Variants in TCF20 observed in about 807,000 individuals in gnomAD.
TCF20 encodes the protein transcription factor 20, also known as SPRE-binding protein.
TCF20 carries 3 observed loss-of-function variants against 148.6 expected under a neutral mutation model. The observed-to-expected ratio is 0.02, with a 90% CI of 0.01 to 0.05. TCF20 has a LOEUF of 0.05. Among genes scored for constraint, TCF20 ranks in the 10% least tolerant of loss-of-function variants. TCF20 has a pLI of 1.00. For missense variants in TCF20, 2,350 were observed against 2,429.3 expected (o/e 0.97, Z 0.69); for synonymous variants, 1,049 against 909.5 (o/e 1.15, Z -2.76).
chr22:42,289,369 A>G (rs1927092269), intron 1 of TCF20, among the ~76,000 whole-genome samples: 2 of 152,166 alleles, frequency 1.3e-5, no homozygotes, highest in Non-Finnish European at 2.9e-5. Context: ...AGACAAAGCA[A>G]GAGGAACTGG....
chr22:42,287,630 C>T (rs1249635378), upstream of TCF20, among the ~76,000 whole-genome samples: 1 of 152,178 alleles, frequency 6.6e-6, no homozygotes. Context: ...GTCCCTGACC[C>T]CTGCCACCTT....
At position 42,160,666 on chromosome 22, in the gene TCF20, G is replaced by C. The variant is rs1487215504; in HGVS notation, c.*737C>G. ...AAAAAAAAAAAACCATAAATAAATAGTGTTTCTGGAAATGAAAAAAAATTT... is the reference window on the plus strand; with the variant it reads ...AAAAAAAAAAAACCATAAATAAATACTGTTTCTGGAAATGAAAAAAAATTT... On this transcript the variant is annotated 3_prime_UTR_variant, in exon 6 of 6. Coordinates refer to ENST00000677622, the MANE Select transcript of TCF20 (RefSeq NM_001378418.1). The C allele has an allele frequency of 6.6e-6, 1 of 151,816 alleles. No homozygotes were observed. The highest frequency in any genetic ancestry group is 1.5e-5 in the Non-Finnish European group (1 of 67,924). 9.4% of individuals were successfully genotyped at this position (151,816 alleles called of 1,614,324 possible).
At chr22:42,241,431 A>T (rs933924149) in intron 1 of TCF20, among the ~76,000 whole-genome samples, 2 of 152,214 alleles carry the variant, frequency 1.3e-5, no homozygotes, top group Admixed American at 6.5e-5. Flanking sequence ...TTTAGCAGGG[A>T]ACAGGAATCC....
chr22:42,213,477 C>A lies in TCF20; in HGVS notation c.1829G>T (p.Arg610Leu), dbSNP rs760138943. Reference sequence around the variant, plus strand: ...TTCTACCCGACCTGTCATGGCTTCCCGGGAGACAATCACCCCAACAGTCTT... The same window carrying A: ...TTCTACCCGACCTGTCATGGCTTCCAGGGAGACAATCACCCCAACAGTCTT... Reference protein sequence around the residue: ...NEKTVGVIVSREAMTGRVEKP... With the variant: ...NEKTVGVIVSLEAMTGRVEKP... The change falls in exon 2 of 6, where the codon CGG (arginine) becomes CTG (leucine). Residue 610 changes from arginine (R) to leucine (L), a missense_variant. By Grantham distance (102) the Arg-to-Leu change is moderately radical. This residue lies in a region of TCF20 where 1,641 missense variants were observed against 1,662.6 expected (regional missense o/e 0.99). Transcript: ENST00000677622. 7.4e-6 allele frequency: 12 copies of A among 1,614,012 alleles called. No homozygotes were observed. Among genetic ancestry groups the A allele is most frequent in the Non-Finnish European group, 1.0e-5 (12 of 1,180,030 alleles).
intron 1 of TCF20, among the ~76,000 whole-genome samples, chr22:42,330,277 G>C (rs534826826): frequency 6.6e-6 from 1 of 152,318 alleles, no homozygotes; most frequent in East Asian, 1.9e-4. Flanking sequence ...GGGTCAATGA[G>C]AGGGCATCAC....
chr22:42,241,917 G>GA (rs372473157), intron 1 of TCF20, among the ~76,000 whole-genome samples: 302 of 151,350 alleles, frequency 2.0e-3, no homozygotes, highest in African/African-American at 6.4e-3. Context: ...AAATAGAAAA[G>GA]AAAAAAAACA....
intron 1 of TCF20, 93 bp from the exon 2 acceptor site, chr22:42,215,434 A>G: frequency 1.4e-6 from 2 of 1,434,814 alleles, no homozygotes; most frequent in Non-Finnish European, 9.2e-7. Flanking sequence ...GATGAATCAG[A>G]GGCCCAGATG....
intron 1 of TCF20, among the ~76,000 whole-genome samples, chr22:42,334,715 T>C (rs1034244859): frequency 6.6e-6 from 1 of 152,226 alleles, no homozygotes; most frequent in Non-Finnish European, 1.5e-5. Context: ...AAGGGTGGAA[T>C]AGTCATCCCC....
intron 1 of TCF20, among the ~76,000 whole-genome samples, chr22:42,239,758 G>A (rs1266105876): frequency 1.3e-5 from 2 of 152,228 alleles, no homozygotes; most frequent in African/African-American, 4.8e-5. Flanking sequence ...CTTCACTCCA[G>A]TGCAGCTCTG....
chr22:42,339,802 G>A (rs765503167), intron 1 of TCF20, among the ~76,000 whole-genome samples: 4 of 152,216 alleles, frequency 2.6e-5, no homozygotes, highest in Admixed American at 6.5e-5. Context: ...AGGTGCTCAC[G>A]GGGCCAGCCT....
At chr22:42,311,512 C>A (rs554554097) in intron 1 of TCF20, among the ~76,000 whole-genome samples, 142 of 152,362 alleles carry the variant, frequency 9.3e-4, no homozygotes, top group Non-Finnish European at 1.5e-3. Context: ...TCAGCAGCTG[C>A]AAACCAGAGG....
At chr22:42,340,381 C>T (rs1287525803) in intron 1 of TCF20, among the ~76,000 whole-genome samples, 1 of 152,214 alleles carries the variant, frequency 6.6e-6, no homozygotes, top group Non-Finnish European at 1.5e-5. Context: ...GCAGTCCCTT[C>T]CCGCGGTAGC....
Position 42,213,189 on chromosome 22 carries a change from C to G in TCF20, c.2117G>C (p.Arg706Pro). ...TEPSKSPGSLRYSYKDSFGSA... is the reference protein window; with the variant it reads ...TEPSKSPGSLPYSYKDSFGSA... ...CCCGAAACTATCTTTGTAACTATAG[C>G]GCAGACTTCCAGGAGATTTGCTAGG... is the stretch of plus-strand genomic sequence containing the variant. Residue 706 changes from arginine to proline, a missense_variant, in exon 2 of 6, where the codon CGC (arginine) becomes CCC (proline). Around this residue, in one of 7 missense-constraint regions of TCF20, gnomAD observed 1,641 missense variants for 1,662.6 expected, o/e 0.99. Coordinates refer to ENST00000677622, the MANE Select transcript of TCF20 (RefSeq NM_001378418.1). 7 of 1,614,172 alleles carry G rather than the reference C, an allele frequency of 4.3e-6. No individual in the cohort carries two copies. Among genetic ancestry groups the G allele is most frequent in the Non-Finnish European group, 5.1e-6 (6 of 1,180,028 alleles).
intron 5 of TCF20, among the ~76,000 whole-genome samples, chr22:42,164,822 T>G (rs1334076284): frequency 6.6e-6 from 1 of 152,138 alleles, no homozygotes; most frequent in East Asian, 1.9e-4. Flanking sequence ...AACATGAAGA[T>G]GGGGAGCCAA....
At chr22:42,256,423 T>C (rs998672629) in intron 1 of TCF20, among the ~76,000 whole-genome samples, 1 of 152,106 alleles carries the variant, frequency 6.6e-6, no homozygotes. Flanking sequence ...GTGTCCCTTA[T>C]CTTTAGGGGA....
chr22:42,247,948 A>G (rs1331965984), intron 1 of TCF20, among the ~76,000 whole-genome samples: 2 of 152,254 alleles, frequency 1.3e-5, no homozygotes, highest in African/African-American at 4.8e-5. Context: ...TAAAAAGTGA[A>G]TATTGTAGAC....
At chr22:42,204,601 T>C (rs1938264124) in intron 2 of TCF20, among the ~76,000 whole-genome samples, 1 of 152,116 alleles carries the variant, frequency 6.6e-6, no homozygotes, top group Non-Finnish European at 1.5e-5. Flanking sequence ...TCCCAGCACT[T>C]TGGGTGGCTG....
In TCF20 at chr22:42,168,611, G is replaced by A; in HGVS notation, c.*42C>T. ...GGAGCCCGGTGGCCCCGACTCACCT[G>A]TGCTTGCTGTCCTTTCCATTCCCAC... On this transcript the variant is annotated splice_region_variant and 3_prime_UTR_variant, in exon 5 of 6. Transcript: ENST00000677622. 1 of 1,568,980 alleles carries A rather than the reference G, an allele frequency of 6.4e-7. No homozygotes were observed. Among genetic ancestry groups the A allele is most frequent in the Non-Finnish European group, 8.6e-7 (1 of 1,158,252 alleles).
rs576920334 is a variant in TCF20 at position 42,338,211 on chromosome 22, C to T, written c.-37+5268G>A. On this transcript the variant is annotated intron_variant, in intron 1 of 1. Transcript: ENST00000515426. The surrounding 1 kb of genome is among the most constrained non-coding windows in gnomAD (Gnocchi z 4.0). ...GGTTCTGCAGCATGAGAAATCCCCT[C>T]GCAGCTGGGTCCCCAGTGCCCGCTC... Among the ~76,000 whole-genome samples, 9 of 152,368 alleles carry T rather than the reference C, an allele frequency of 5.9e-5. No individual in the cohort carries two copies. The highest frequency in any genetic ancestry group is 1.4e-4 in the African/African-American group (6 of 41,586).
Sources: gnomAD v4.1 joint callset for allele counts (sites outside exome capture counted in the v4.1 genomes callset) on GRCh38, gnomAD v4.1.1 for gene constraint, gnomAD v4.1.1 regional missense constraint, Gnocchi (gnomAD v3.1) non-coding constraint, MANE v1.5 for transcripts, NCBI Gene and HGNC (gene_info 2026-07-23, HGNC 2026-07-21) for gene names.